The following ZNF385B variants were observed in gnomAD, a reference collection of about 807,000 sequenced individuals.
ZNF385B encodes the protein zinc finger protein 385B, also known as zinc finger protein 533.
Under a neutral mutation model 39.2 loss-of-function variants are expected in ZNF385B, and 23 were observed. That is an observed-to-expected ratio of 0.59 (90% confidence interval 0.42 to 0.83). ZNF385B has a LOEUF of 0.83. ZNF385B is among the 40% of genes least tolerant of loss of function. The pLI is 0.00. For missense variants in ZNF385B, 552 were observed against 598.9 expected (o/e 0.92, Z 0.82); for synonymous variants, 205 against 222.6 (o/e 0.92, Z 0.70).
intron 4 of ZNF385B, among the ~76,000 whole-genome samples, chr2:179,537,332 TAAAAA>T (rs1428891859): frequency 2.2e-5 from 3 of 137,100 alleles, no homozygotes; most frequent in Non-Finnish European, 4.7e-5. Flanking sequence ...AAAAAAAAAA[TAAAAA>T]AGAAAAGAAA....
chr2:179,567,963 A>C (rs532436606), intron 3 of ZNF385B, among the ~76,000 whole-genome samples: 10 of 152,288 alleles, frequency 6.6e-5, no homozygotes, highest in Admixed American at 1.3e-4. Context: ...CAGCCAAGCA[A>C]ACTGTTTAAA....
At chr2:179,726,547 A>G (rs1380939033) in intron 3 of ZNF385B, among the ~76,000 whole-genome samples, 3 of 152,050 alleles carry the variant, frequency 2.0e-5, no homozygotes, top group Non-Finnish European at 1.5e-5. Flanking sequence ...TAAAGCACTT[A>G]ACATAGTAGT....
At chr2:179,589,311 C>T (rs929262195) in intron 3 of ZNF385B, among the ~76,000 whole-genome samples, 6 of 152,174 alleles carry the variant, frequency 3.9e-5, no homozygotes, top group Admixed American at 6.5e-5. Context: ...TCAGTTTCTG[C>T]TTGTATCAGC....
chr2:179,466,399 A>C (rs534452342), intron 6 of ZNF385B, among the ~76,000 whole-genome samples: 95 of 152,258 alleles, frequency 6.2e-4, no homozygotes, highest in East Asian at 1.9e-4. Context: ...ATGTGAAAAA[A>C]AAAATCACCA....
At position 179,481,333 on chromosome 2, in the gene ZNF385B, C is replaced by T. The variant is rs762283896; in HGVS notation, c.715+1939G>A. ...AACTATAATCCGGGCCCCTTTATTT[C>T]GATTTTCTATTTCCGTATTGCTCTT... is the stretch of plus-strand genomic sequence containing the variant. On this transcript the variant is annotated intron_variant, in intron 6 of 9. Transcript: ENST00000410066. Among the ~76,000 whole-genome samples, 10 of 151,794 alleles carry T rather than the reference C, an allele frequency of 6.6e-5. 1 individual carries two copies. Among genetic ancestry groups the T allele is most frequent in the East Asian group, 3.9e-4 (2 of 5,176 alleles).
At chr2:179,504,381 G>C (rs1300794522) in intron 5 of ZNF385B, among the ~76,000 whole-genome samples, 1 of 151,740 alleles carries the variant, frequency 6.6e-6, no homozygotes, top group Non-Finnish European at 1.5e-5. Flanking sequence ...TAGTCCTTTG[G>C]GTATATATCC....
chr2:179,552,398 C>G (rs1403604468), intron 3 of ZNF385B, among the ~76,000 whole-genome samples: 2 of 149,102 alleles, frequency 1.3e-5, no homozygotes, highest in Middle Eastern at 3.2e-3. Flanking sequence ...GTAGTTTCTT[C>G]TTATGCCATT....
chr2:179,838,626 T>C (rs143603703), intron 1 of ZNF385B, among the ~76,000 whole-genome samples: 341 of 152,286 alleles, frequency 2.2e-3, no homozygotes, highest in Non-Finnish European at 3.8e-3. Context: ...GGAAAGCACA[T>C]GCTTCTCTGG....
intron 3 of ZNF385B, among the ~76,000 whole-genome samples, chr2:179,649,626 T>C (rs1024096877): frequency 5.3e-5 from 8 of 152,138 alleles, no homozygotes; most frequent in Admixed American, 4.6e-4. Context: ...AATATAAAGG[T>C]GCAGAATATA....
intron 3 of ZNF385B, among the ~76,000 whole-genome samples, chr2:179,725,024 T>A (rs1700916686): frequency 6.6e-6 from 1 of 152,082 alleles, no homozygotes; most frequent in Non-Finnish European, 1.5e-5. Context: ...AAAAATTACA[T>A]AATTCACATA....
intron 3 of ZNF385B, among the ~76,000 whole-genome samples, chr2:179,660,432 C>T (rs1248921413): frequency 1.3e-5 from 2 of 152,242 alleles, no homozygotes; most frequent in Admixed American, 6.5e-5. Flanking sequence ...GTAAAATTTT[C>T]TACTCAATTC....
chr2:179,539,870 T>C (rs1208830269), intron 4 of ZNF385B, among the ~76,000 whole-genome samples: 1 of 152,244 alleles, frequency 6.6e-6, no homozygotes, highest in African/African-American at 2.4e-5. Flanking sequence ...CTTTATCAAG[T>C]CTGTTTACTT....
intron 3 of ZNF385B, among the ~76,000 whole-genome samples, chr2:179,678,164 A>G (rs908447364): frequency 2.6e-5 from 4 of 152,260 alleles, no homozygotes; most frequent in Middle Eastern, 3.4e-3. Flanking sequence ...CTTGTGTTGG[A>G]TATATGAGAT....
At chr2:179,714,960 A>AAAAAAAAAAAAAAAAAAAG in intron 3 of ZNF385B, among the ~76,000 whole-genome samples, 1 of 151,064 alleles carries the variant, frequency 6.6e-6, no homozygotes, top group African/African-American at 2.4e-5. Context: ...AAAAAAAAAA[A>AAAAAAAAAAAAAAAAAAAG]ACAGTTTCCT....
At chr2:179,808,289 C>T (rs1706520700) in intron 1 of ZNF385B, among the ~76,000 whole-genome samples, 1 of 152,188 alleles carries the variant, frequency 6.6e-6, no homozygotes. Context: ...GCCTTGGCCT[C>T]CCAAAGTGCT....
intron 1 of ZNF385B, among the ~76,000 whole-genome samples, chr2:179,846,738 A>T (rs1708820631): frequency 6.6e-6 from 1 of 152,234 alleles, no homozygotes; most frequent in South Asian, 2.1e-4. Flanking sequence ...GGTTTAAAGT[A>T]GAGATCCTGA....
chr2:179,801,011 G>A lies in ZNF385B; in HGVS notation c.-154-30339C>T, dbSNP rs191537820. Among the ~76,000 whole-genome samples, 72 of 152,122 alleles carry A rather than the reference G, an allele frequency of 4.7e-4. 1 individual carries two copies. The East Asian group carries it at 0.013, about 27-fold the overall frequency. Reference sequence around the variant, plus strand: ...CTTCAAAATAGTCACCTCAGGGTTGGTATGTTCAAGTTAGAATCCAAACAA... The same window carrying A: ...CTTCAAAATAGTCACCTCAGGGTTGATATGTTCAAGTTAGAATCCAAACAA... On this transcript the variant is annotated intron_variant, in intron 1 of 9. Transcript: ENST00000410066.
At chr2:179,791,016 G>A (rs1705292891) in intron 1 of ZNF385B, among the ~76,000 whole-genome samples, 1 of 152,156 alleles carries the variant, frequency 6.6e-6, no homozygotes, top group African/African-American at 2.4e-5. Flanking sequence ...CCCAACAAGT[G>A]CTCCTGTCAG....
chr2:179,816,623 C>T (rs1707087841), intron 1 of ZNF385B, among the ~76,000 whole-genome samples: 1 of 152,208 alleles, frequency 6.6e-6, no homozygotes, highest in South Asian at 2.1e-4. Flanking sequence ...TCTCTAAACA[C>T]TATACCTAAT....
Sources: gnomAD v4.1 joint callset for allele counts (sites outside exome capture counted in the v4.1 genomes callset) on GRCh38, gnomAD v4.1.1 for gene constraint, MANE v1.5 for transcripts, NCBI Gene and HGNC (gene_info 2026-07-23, HGNC 2026-07-21) for gene names.